NADSYN1: variants seen among roughly 807,000 people sequenced by gnomAD.
NADSYN1 encodes glutamine-dependent NAD(+) synthetase.
In NADSYN1, 80 loss-of-function variants were observed where a neutral mutation model predicts 99.3. The observed-to-expected ratio is 0.81, with a 90% CI of 0.67 to 0.97. The LOEUF (loss-of-function observed/expected upper bound fraction) is 0.97, where lower values mean the gene tolerates loss of function less well. NADSYN1 is among the 50% of genes least tolerant of loss of function. NADSYN1 has a pLI of 0.00. For synonymous variants in NADSYN1, 385 were observed against 372.1 expected (o/e 1.03, Z -0.40); for missense variants, 859 against 948.5 (o/e 0.91, Z 1.24).
In NADSYN1 at chr11:71,468,931, G is replaced by A. The variant is rs532863249; in HGVS notation, c.408-3518G>A. On this transcript the variant is annotated intron_variant, in intron 5 of 20. Coordinates refer to ENST00000319023, the MANE Select transcript of NADSYN1 (RefSeq NM_018161.5). ...CTATAACCAGAGATGTGTAAGCCCT[G>A]TATGGGAAAAAATGATAAAATTTTA... Among the ~76,000 whole-genome samples, 17 of 152,282 alleles carry A rather than the reference G, an allele frequency of 1.1e-4. No homozygotes were observed. In the South Asian group the frequency reaches 3.5e-3, roughly 32 times the overall value.
chr11:71,486,611 G>A (rs1470566172), intron 16 of NADSYN1, among the ~76,000 whole-genome samples: 2 of 148,122 alleles, frequency 1.4e-5, no homozygotes, highest in African/African-American at 2.5e-5. Context: ...ATCCACCAAT[G>A]TGTCTGTCCA....
chr11:71,488,826 A>G (rs1949760897), intron 16 of NADSYN1, among the ~76,000 whole-genome samples: 1 of 151,738 alleles, frequency 6.6e-6, no homozygotes, highest in Non-Finnish European at 1.5e-5. Flanking sequence ...TTTTGTTTCC[A>G]CTCTGTTGCC....
At chr11:71,474,331 G>A in intron 8 of NADSYN1, 64 bp from the exon 9 acceptor site, 1 of 1,605,226 alleles carries the variant, frequency 6.2e-7, no homozygotes, top group South Asian at 1.1e-5. Flanking sequence ...CTGTACTTGG[G>A]CAGGTGGCAG....
chr11:71,458,574 A>C, intron 3 of NADSYN1, 30 bp downstream of exon 3: 1 of 1,521,608 alleles, frequency 6.6e-7, no homozygotes, highest in African/African-American at 1.4e-5. Context: ...TGGAAGGGCA[A>C]ACCTGGGACA....
At chr11:71,470,003 T>C (rs1949616791) in intron 5 of NADSYN1, among the ~76,000 whole-genome samples, 1 of 151,056 alleles carries the variant, frequency 6.6e-6, no homozygotes, top group South Asian at 2.1e-4. Flanking sequence ...CTGGGTAATT[T>C]GTAAAGAAAA....
rs556632039 is a variant in NADSYN1 at position 71,471,638 on chromosome 11, G to A, written c.408-811G>A. 5.9e-5 allele frequency among the ~76,000 whole-genome samples: 9 copies of A among 152,314 alleles called. No homozygotes were observed. In the East Asian group the frequency reaches 1.2e-3, roughly 20 times the overall value. On this transcript the variant is annotated intron_variant, in intron 5 of 20. Transcript: ENST00000319023. Reference sequence around the variant, plus strand: ...TGCATTTCGGTGCAGCAGCATCGCCGTCAACAGGCTACAGAGGGTGAATGG... The same window carrying A: ...TGCATTTCGGTGCAGCAGCATCGCCATCAACAGGCTACAGAGGGTGAATGG...
rs767121450 is a variant in NADSYN1, at chr11:71,474,455, G to A, written c.727G>A (p.Asp243Asn). 13 of 1,614,108 alleles carry A rather than the reference G, an allele frequency of 8.1e-6. No individual in the cohort carries two copies. The highest frequency in any genetic ancestry group is 3.3e-5 in the Admixed American group (2 of 60,018). Residue 243 changes from aspartate (D) to asparagine (N), a missense_variant, in exon 9 of 21, where the codon GAC becomes AAC. Asp to Asn is a conservative substitution (Grantham distance 23). Coordinates refer to ENST00000319023, the MANE Select transcript of NADSYN1 (RefSeq NM_018161.5). ...KGCDGDRLYY[D>N]GCAMIAMNGS... ...TTGTGACGGGGACCGCCTGTACTACGACGGCTGTGCCATGATTGCCATGAA... is the reference window on the plus strand; with the variant it reads ...TTGTGACGGGGACCGCCTGTACTACAACGGCTGTGCCATGATTGCCATGAA...
chr11:71,489,000 G>A (rs896007940), intron 16 of NADSYN1, among the ~76,000 whole-genome samples: 8 of 152,006 alleles, frequency 5.3e-5, no homozygotes, highest in African/African-American at 7.3e-5. Context: ...TGGCCAGCGC[G>A]CCCACAGCAG....
At chr11:71,488,212 C>G (rs1949756199) in intron 16 of NADSYN1, among the ~76,000 whole-genome samples, 1 of 152,106 alleles carries the variant, frequency 6.6e-6, no homozygotes. Flanking sequence ...GTGAATGAGT[C>G]AGAAACAATT....
chr11:71,480,117 A>T (rs1591130433), intron 10 of NADSYN1: 1 of 152,336 alleles, frequency 6.6e-6, no homozygotes, highest in East Asian at 1.9e-4. Context: ...CCAGGAGTGG[A>T]ATTGGCTGGG....
intron 9 of NADSYN1, chr11:71,477,158 C>T (rs895405986): frequency 8.8e-7 from 1 of 1,142,216 alleles, no homozygotes; most frequent in African/African-American, 1.6e-5. Flanking sequence ...CCGCGTTTCT[C>T]AGGGTCTTCC....
Position 71,484,402 on chromosome 11 carries a change from T to G in NADSYN1, c.1410T>G (p.Ala470=), listed in dbSNP as rs755651988. ...CGGGGAAGAGCCCTCTGTTTGCAGCTCATGGAGGAAGCAGCAGGGAAAACC... is the reference window on the plus strand; with the variant it reads ...CGGGGAAGAGCCCTCTGTTTGCAGCGCATGGAGGAAGCAGCAGGGAAAACC... ...LVTGKSPLFA[A]HGGSSRENLA... Residue 470 remains alanine (A), a synonymous_variant, in exon 15 of 21, where the codon GCT becomes GCG. Transcript: ENST00000319023. The G allele has an allele frequency of 6.2e-7, 1 of 1,614,138 alleles. No individual in the cohort carries two copies. Among genetic ancestry groups the G allele is most frequent in the Non-Finnish European group, 8.5e-7 (1 of 1,180,000 alleles).
chr11:71,491,975 C>T, intron 18 of NADSYN1, 72 bp downstream of exon 18: 2 of 1,427,758 alleles, frequency 1.4e-6, no homozygotes, highest in East Asian at 4.8e-5. Flanking sequence ...GCTGGCTCTT[C>T]CTACCTCCCT....
At chr11:71,454,971 C>T (rs1949503413) in intron 1 of NADSYN1, 139 bp from the exon 2 acceptor site, 7 of 653,214 alleles carry the variant, frequency 1.1e-5, no homozygotes, top group East Asian at 2.7e-5. Flanking sequence ...GACTGCATCC[C>T]GTCTGGGAAG....
At position 71,473,385 on chromosome 11, in the gene NADSYN1, T is replaced by C; in HGVS notation, c.548+19T>C. 2 of 1,612,680 alleles carry C rather than the reference T, an allele frequency of 1.2e-6. No individual in the cohort carries two copies. Among genetic ancestry groups the C allele is most frequent in the Non-Finnish European group, 1.7e-6 (2 of 1,178,744 alleles). On this transcript the variant is annotated intron_variant, in intron 7 of 20. Transcript: ENST00000319023. ...CCCACAGGTCAGCCCCATGCCCCTG[T>C]GCTGTCTGATCGCCCACCTCATATG...
chr11:71,480,654 C>A (rs900321152), intron 10 of NADSYN1, 101 bp from the exon 11 acceptor site: 3 of 1,564,918 alleles, frequency 1.9e-6, no homozygotes, highest in African/African-American at 1.3e-5. Context: ...TTTTGACATG[C>A]GTTTCTGTGG....
At chr11:71,498,815 ACG>A (rs1398058574) in intron 20 of NADSYN1, 1 of 265,626 alleles carries the variant, frequency 3.8e-6, no homozygotes, top group Non-Finnish European at 7.3e-6. Context: ...CTTACCCCAC[ACG>A]CCTATTATTT....
chr11:71,476,845 G>A lies in NADSYN1; in HGVS notation c.799-1550G>A, dbSNP rs527832745. 5.6e-5 allele frequency: 55 copies of A among 986,138 alleles called. No homozygotes were observed. The African/African-American group carries it at 7.3e-4, about 13-fold the overall frequency. 61.1% of individuals were successfully genotyped at this position (986,138 alleles called of 1,614,324 possible). A position where few individuals can be genotyped will look rare whatever the true frequency, so the allele number is the denominator to read the frequency against. On this transcript the variant is annotated intron_variant, in intron 9 of 20. Coordinates refer to ENST00000319023, the MANE Select transcript of NADSYN1 (RefSeq NM_018161.5). ...ATCAAGCCACCAAATCGGAGTCCTC[G>A]GGGGTCTGTATATTTAGTGAGCACC...
chr11:71,491,285 CCTGT>C (rs1949777392), intron 17 of NADSYN1, among the ~76,000 whole-genome samples: 1 of 152,284 alleles, frequency 6.6e-6, no homozygotes, highest in South Asian at 2.1e-4. Context: ...GAGCAGAGCG[CCTGT>C]GCTTTAGCAG....
Sources: gnomAD v4.1 joint callset for allele counts (sites outside exome capture counted in the v4.1 genomes callset) on GRCh38, gnomAD v4.1.1 for gene constraint, MANE v1.5 for transcripts, NCBI Gene and HGNC (gene_info 2026-07-23, HGNC 2026-07-21) for gene names.